KATNAL2: variants seen among roughly 807,000 people sequenced by gnomAD.
KATNAL2 encodes the protein katanin p60 ATPase-containing subunit A-like 2.
In KATNAL2, 52 loss-of-function variants were observed where a neutral mutation model predicts 76.3. The ratio of observed to expected loss-of-function variants is 0.68; its 90% CI spans 0.55 to 0.86. The LOEUF (loss-of-function observed/expected upper bound fraction) is 0.86, where lower values mean the gene tolerates loss of function less well. KATNAL2 is among the 40% of genes least tolerant of loss of function. The pLI is 0.00. For synonymous variants in KATNAL2, 243 were observed against 244.2 expected, an observed-to-expected ratio of 1.00 and a Z score of 0.05; for missense variants, 660 against 668.9, an observed-to-expected ratio of 0.99 and a Z score of 0.15.
intron 10 of KATNAL2, among the ~76,000 whole-genome samples, chr18:47,065,260 G>C (rs1215527551): frequency 1.3e-5 from 2 of 152,164 alleles, no homozygotes; most frequent in Non-Finnish European, 2.9e-5. Context: ...AGGGGTTTGA[G>C]ACCAGCCTGG....
At chr18:47,073,621 T>C (rs2062083927) in intron 13 of KATNAL2, among the ~76,000 whole-genome samples, 1 of 152,220 alleles carries the variant, frequency 6.6e-6, no homozygotes. Context: ...AAGAGTTATT[T>C]ATAGGGAACC....
chr18:47,051,897 TGAAA>T (rs958577559), intron 4 of KATNAL2, among the ~76,000 whole-genome samples: 1 of 152,064 alleles, frequency 6.6e-6, no homozygotes. Flanking sequence ...AGACCTTGTC[TGAAA>T]GAAAGAAAGA....
In KATNAL2 at chr18:46,917,661, C is replaced by T. The variant is rs2058148813; in HGVS notation, c.-775C>T. On this transcript the variant is annotated 5_prime_UTR_variant, in exon 1 of 18. Coordinates refer to ENST00000683218, the MANE Select transcript of KATNAL2 (RefSeq NM_001387690.1). Reference sequence around the variant, plus strand: ...CCCGGCGTGCTGCCCCGCGGCTTGGCCCCGCTCGGCCCCAGGTCGTGCCTT... The same window carrying T: ...CCCGGCGTGCTGCCCCGCGGCTTGGTCCCGCTCGGCCCCAGGTCGTGCCTT... 1.9e-5 allele frequency: 12 copies of T among 640,268 alleles called. No individual in the cohort carries two copies. The South Asian group carries it at 7.7e-4, about 41-fold the overall frequency. 39.7% of individuals were successfully genotyped at this position (640,268 alleles called of 1,614,324 possible).
intron 1 of KATNAL2, among the ~76,000 whole-genome samples, chr18:46,927,299 G>C (rs577046788): frequency 6.6e-6 from 1 of 152,200 alleles, no homozygotes; most frequent in African/African-American, 2.4e-5. Flanking sequence ...AAATCTCTCA[G>C]CATCTGCTTG....
chr18:46,917,759 C>T lies in KATNAL2; in HGVS notation c.-677C>T, dbSNP rs971204937. On this transcript the variant is annotated 5_prime_UTR_variant, in exon 1 of 18. Transcript: ENST00000683218. ...CTGAGGCGTTATCCGCGGGCCTGGCCTCGGGAAGTGGCGGGGAGGAAGAAG... is the reference window on the plus strand; with the variant it reads ...CTGAGGCGTTATCCGCGGGCCTGGCTTCGGGAAGTGGCGGGGAGGAAGAAG... The T allele has an allele frequency of 7.8e-5, 14 of 180,458 alleles. No homozygotes were observed. Among genetic ancestry groups the T allele is most frequent in the Non-Finnish European group, 1.5e-4 (14 of 93,768 alleles). 11.2% of individuals were successfully genotyped at this position (180,458 alleles called of 1,614,324 possible).
intron 3 of KATNAL2, chr18:47,033,359 C>A: frequency 6.2e-7 from 1 of 1,614,130 alleles, no homozygotes; most frequent in African/African-American, 1.3e-5. Flanking sequence ...GCCTCTCTGC[C>A]GTTGGGGTTG....
chr18:47,079,401 C>CT (rs567436547), intron 15 of KATNAL2, among the ~76,000 whole-genome samples: 5,604 of 144,868 alleles, frequency 0.039, 104 homozygotes, highest in Non-Finnish European at 0.044. Context: ...TCTTTTTTTT[C>CT]TTTTTTTTTT....
At chr18:47,074,923 CT>C (rs1164888964) in intron 13 of KATNAL2, among the ~76,000 whole-genome samples, 2 of 152,198 alleles carry the variant, frequency 1.3e-5, no homozygotes, top group Non-Finnish European at 2.9e-5. Flanking sequence ...TTCCAAGGCT[CT>C]TGTGTCCATA....
In KATNAL2 at chr18:47,100,239, T is replaced by A; in HGVS notation, c.1375-15T>A. 1.9e-6 allele frequency: 3 copies of A among 1,607,752 alleles called. No individual in the cohort carries two copies. Among genetic ancestry groups the A allele is most frequent in the Non-Finnish European group, 2.6e-6 (3 of 1,174,210 alleles). ...TCTGCCCACTGACCAATGGCTGGTTTTTTGGCTGTTTCAGGAGACTGAGGG... is the reference window on the plus strand; with the variant it reads ...TCTGCCCACTGACCAATGGCTGGTTATTTGGCTGTTTCAGGAGACTGAGGG... On this transcript the variant is annotated splice_polypyrimidine_tract_variant and intron_variant, in intron 16 of 17. Coordinates refer to ENST00000683218, the MANE Select transcript of KATNAL2 (RefSeq NM_001387690.1).
chr18:47,044,406 G>A (rs1230576292), intron 3 of KATNAL2, among the ~76,000 whole-genome samples: 1 of 152,144 alleles, frequency 6.6e-6, no homozygotes, highest in Non-Finnish European at 1.5e-5. Context: ...ATGGATGGTG[G>A]TGATGGTTGT....
intron 1 of KATNAL2, among the ~76,000 whole-genome samples, chr18:46,924,357 G>C (rs893351093): frequency 8.5e-5 from 13 of 152,202 alleles, no homozygotes; most frequent in African/African-American, 2.2e-4. Context: ...GCTTGTTTTT[G>C]TCAGGTTTGT....
Position 47,054,385 on chromosome 18 carries a change from T to C in KATNAL2, c.290-11T>C. 1 of 1,610,676 alleles carries C rather than the reference T, an allele frequency of 6.2e-7. No individual in the cohort carries two copies. The highest frequency in any genetic ancestry group is 8.5e-7 in the Non-Finnish European group (1 of 1,176,936). ...TATTTTCTTTCCCTCCCAATGTCTG[T>C]TTTGTCACAGCAGAAAATAATTTAC... On this transcript the variant is annotated splice_polypyrimidine_tract_variant and intron_variant, in intron 5 of 17. Transcript: ENST00000683218.
chr18:47,059,567 T>C lies in KATNAL2; in HGVS notation c.462T>C (p.Asp154=), dbSNP rs1310721050. The C allele has an allele frequency of 1.4e-5, 22 of 1,610,706 alleles. No homozygotes were observed. The highest frequency in any genetic ancestry group is 1.8e-5 in the Non-Finnish European group (21 of 1,177,082). ...NKEHPNQEVV[D]NTRLESANFG... is the part of the protein sequence containing the mutation. Reference sequence around the variant, plus strand: ...CTCTCTTTCTTCAGGAGGTAGTTGATAACACTCGCCTGGAAAGTGCCAACT... The same window carrying C: ...CTCTCTTTCTTCAGGAGGTAGTTGACAACACTCGCCTGGAAAGTGCCAACT... Residue 154 remains aspartate, a synonymous_variant, in exon 8 of 18, where the codon GAT becomes GAC. Transcript: ENST00000683218.
chr18:46,935,284 C>T (rs928999198), intron 1 of KATNAL2, among the ~76,000 whole-genome samples: 1 of 152,118 alleles, frequency 6.6e-6, no homozygotes, highest in Non-Finnish European at 1.5e-5. Flanking sequence ...TACTTAGGGC[C>T]GCAACACCCA....
chr18:47,033,419 C>T lies in KATNAL2; in HGVS notation c.52-13038C>T, dbSNP rs138302559. 2.9e-5 allele frequency: 47 copies of T among 1,613,444 alleles called. 1 individual carries two copies. In the African/African-American group the frequency reaches 5.9e-4, roughly 20 times the overall value. On this transcript the variant is annotated intron_variant, in intron 3 of 17. Transcript: ENST00000683218. Reference sequence around the variant, plus strand: ...GTTGTCATTACTCTCAGCCGCTGCTCTGGGGCGTCCGGAAGCCGCAGGTAC... The same window carrying T: ...GTTGTCATTACTCTCAGCCGCTGCTTTGGGGCGTCCGGAAGCCGCAGGTAC...
intron 3 of KATNAL2, among the ~76,000 whole-genome samples, chr18:47,032,261 C>A (rs558544313): frequency 6.6e-6 from 1 of 152,224 alleles, no homozygotes. Context: ...TAGCAGTTTT[C>A]TTTGAGCCAT....
Position 47,099,421 on chromosome 18 carries a change from GA to G in KATNAL2, c.1374+17del. ...GCTGAGCCAGGTCAGCTGCCCTGGA[GA>G]GGGGCACATGTAGGTCAAGGGCCCA... On this transcript the variant is annotated intron_variant, in intron 16 of 17. Transcript: ENST00000683218. 1 of 1,599,740 alleles carries G rather than the reference GA, an allele frequency of 6.3e-7. No homozygotes were observed. The highest frequency in any genetic ancestry group is 8.5e-7 in the Non-Finnish European group (1 of 1,171,140).
chr18:46,934,239 GT>G (rs1312803648), intron 1 of KATNAL2, among the ~76,000 whole-genome samples: 3 of 152,156 alleles, frequency 2.0e-5, no homozygotes, highest in South Asian at 4.1e-4. Flanking sequence ...TTCCACAATG[GT>G]TGAACTAGTT....
rs34034453 is a variant in KATNAL2 at position 47,084,847 on chromosome 18, TAAAAAAA to T, written c.1211+7408_1211+7414del. On this transcript the variant is annotated intron_variant, in intron 15 of 17. Coordinates refer to ENST00000683218, the MANE Select transcript of KATNAL2 (RefSeq NM_001387690.1). ...CTGGATGACAGAGCAAGACTCTGTCTAAAAAAAAAAAAAAAAAAAAAAAAAAAAGCCT... is the reference window on the plus strand; with the variant it reads ...CTGGATGACAGAGCAAGACTCTGTCTAAAAAAAAAAAAAAAAAAAAAGCCT... 4.7e-3 allele frequency among the ~76,000 whole-genome samples: 121 copies of T among 25,534 alleles called. 4 individuals are homozygous for T. The Admixed American group carries it at 0.067, about 14-fold the overall frequency. The allele number at this position is 25,534 out of a possible 152,430, so 16.8% of individuals were successfully genotyped here.
Sources: allele counts gnomAD v4.1 joint callset (sites outside exome capture counted in the v4.1 genomes callset), GRCh38; gene constraint gnomAD v4.1.1; transcripts MANE v1.5; gene names NCBI Gene and HGNC (gene_info 2026-07-23, HGNC 2026-07-21).